TRIM24: variants seen among roughly 807,000 people sequenced by gnomAD.
The protein encoded by TRIM24 is tripartite motif containing 24.
TRIM24 carries 29 observed loss-of-function variants against 123.9 expected under a neutral mutation model. That is an observed-to-expected ratio of 0.23 (90% confidence interval 0.17 to 0.32). TRIM24 has a LOEUF of 0.32. Ranked by LOEUF, TRIM24 falls within the 10% of genes least tolerant of loss-of-function variation. TRIM24 has a pLI of 1.00. For synonymous variants in TRIM24, 456 were observed against 461.1 expected (o/e 0.99, Z 0.14); for missense variants, 932 against 1,295.3 (o/e 0.72, Z 4.31).
intron 9 of TRIM24, among the ~76,000 whole-genome samples, chr7:138,563,016 C>T (rs1347312647): frequency 2.0e-5 from 3 of 152,188 alleles, no homozygotes; most frequent in African/African-American, 7.2e-5. Flanking sequence ...AAAGTGGCCT[C>T]TTCTCTGAGA....
chr7:138,585,595 ATTTTTGT>A lies in TRIM24; in HGVS notation c.*649_*655del, dbSNP rs1275688436. The A allele has an allele frequency of 2.9e-4, 93 of 320,696 alleles. No homozygotes were observed. The Middle Eastern group carries it at 7.1e-3, about 24-fold the overall frequency. 19.9% of individuals were successfully genotyped at this position (320,696 alleles called of 1,614,324 possible). On this transcript the variant is annotated 3_prime_UTR_variant, in exon 19 of 19. Transcript: ENST00000343526. ...GAAAAATCCGGAAAACAAATGTTTG[ATTTTTGT>A]TTTTGTTTTTATCTTGTCTGTAGAG...
intron 11 of TRIM24, among the ~76,000 whole-genome samples, chr7:138,571,791 G>A (rs987720872): frequency 2.0e-5 from 3 of 152,110 alleles, no homozygotes; most frequent in African/African-American, 7.2e-5. Flanking sequence ...GGCTGGTCTT[G>A]AACTCCTGGG....
intron 1 of TRIM24, chr7:138,490,711 T>G (rs1012352339): frequency 2.2e-6 from 1 of 459,316 alleles, no homozygotes; most frequent in South Asian, 1.7e-5. Context: ...AACCTGGGCT[T>G]CTTCAGCATT....
chr7:138,502,852 T>C (rs1336364999), intron 1 of TRIM24, among the ~76,000 whole-genome samples: 1 of 152,236 alleles, frequency 6.6e-6, no homozygotes, highest in African/African-American at 2.4e-5. Context: ...GCTGTAGTTC[T>C]GTAACAAAGG....
chr7:138,583,785 T>C, intron 17 of TRIM24, 65 bp from the exon 18 acceptor site: 1 of 1,142,886 alleles, frequency 8.7e-7, no homozygotes, highest in Non-Finnish European at 1.2e-6. Flanking sequence ...GCACATCTCA[T>C]AGAATATATT....
intron 5 of TRIM24, among the ~76,000 whole-genome samples, chr7:138,527,583 C>T (rs1398044545): frequency 6.6e-6 from 1 of 152,092 alleles, no homozygotes; most frequent in Non-Finnish European, 1.5e-5. Flanking sequence ...TGATGTCAAA[C>T]AATTATCTGG....
intron 7 of TRIM24, among the ~76,000 whole-genome samples, chr7:138,539,353 T>C: frequency 6.6e-6 from 1 of 152,146 alleles, no homozygotes. Flanking sequence ...GAAAAATAGC[T>C]CTGTGATTTG....
At chr7:138,511,285 C>T (rs1270487321) in intron 2 of TRIM24, among the ~76,000 whole-genome samples, 1 of 151,374 alleles carries the variant, frequency 6.6e-6, no homozygotes, top group African/African-American at 2.4e-5. Flanking sequence ...GGAGGTGCCA[C>T]ACACTTTTTT....
At chr7:138,524,000 T>G (rs1201261836) in intron 4 of TRIM24, among the ~76,000 whole-genome samples, 1 of 152,146 alleles carries the variant, frequency 6.6e-6, no homozygotes, top group Non-Finnish European at 1.5e-5. Context: ...TCTCGTAGTA[T>G]TGTCATTTTG....
At chr7:138,580,956 C>T (rs542894147) in intron 16 of TRIM24, among the ~76,000 whole-genome samples, 9 of 152,072 alleles carry the variant, frequency 5.9e-5, no homozygotes, top group Non-Finnish European at 1.2e-4. Flanking sequence ...TTTAATCTAC[C>T]TTAAGTAAAT....
rs2116635990 is a variant in TRIM24 at position 138,554,633 on chromosome 7, A to C, written c.1262-65A>C. On this transcript the variant is annotated intron_variant, in intron 8 of 18. Coordinates refer to ENST00000343526, the MANE Select transcript of TRIM24 (RefSeq NM_015905.3). The surrounding 1 kb of genome is among the most constrained non-coding windows in gnomAD (Gnocchi z 4.5). Reference sequence around the variant, plus strand: ...TTTGAAGTTCTGCAAAAATAGCTTTAGAAAATGTGATATTTCACCAACTAT... The same window carrying C: ...TTTGAAGTTCTGCAAAAATAGCTTTCGAAAATGTGATATTTCACCAACTAT... The C allele has an allele frequency of 1.3e-6, 2 of 1,540,698 alleles. No homozygotes were observed. Among genetic ancestry groups the C allele is most frequent in the Admixed American group, 1.9e-5 (1 of 52,352 alleles).
intron 5 of TRIM24, among the ~76,000 whole-genome samples, chr7:138,527,117 A>G (rs944631154): frequency 2.0e-5 from 3 of 152,086 alleles, no homozygotes; most frequent in African/African-American, 4.8e-5. Context: ...ATTGTTTTTC[A>G]GCACCTTTAT....
intron 9 of TRIM24, among the ~76,000 whole-genome samples, chr7:138,564,316 G>C (rs75924329): frequency 0.045 from 6,889 of 152,184 alleles, 208 homozygotes; most frequent in Middle Eastern, 0.1. Context: ...TTTCTTCCCT[G>C]ACCTCCTGGG....
intron 3 of TRIM24, among the ~76,000 whole-genome samples, chr7:138,515,883 T>C (rs1796383442): frequency 6.6e-6 from 1 of 152,258 alleles, no homozygotes; most frequent in African/African-American, 2.4e-5. Context: ...AAATTTGTCA[T>C]TTTAACTACT....
chr7:138,576,495 TTTC>T (rs752864406), intron 13 of TRIM24, 50 bp downstream of exon 13: 3 of 1,542,062 alleles, frequency 1.9e-6, no homozygotes, highest in African/African-American at 2.7e-5. Flanking sequence ...TCTAATTAGA[TTTC>T]TTTTGCCAGT....
intron 1 of TRIM24, among the ~76,000 whole-genome samples, chr7:138,483,208 TC>T (rs1795568858): frequency 6.6e-6 from 1 of 152,220 alleles, no homozygotes; most frequent in Non-Finnish European, 1.5e-5. Context: ...AGTGCTGGGA[TC>T]CTAGGCATTA....
chr7:138,508,682 TGTGTGTGTGTGCGCGC>T (rs1249698541), intron 2 of TRIM24, among the ~76,000 whole-genome samples: 13 of 47,108 alleles, frequency 2.8e-4, no homozygotes, highest in Admixed American at 4.7e-4. Flanking sequence ...TGTGTGTGTG[TGTGTGTGTGTGCGCGC>T]GCGTGTGTGC....
At chr7:138,487,383 G>C (rs1584693787) in intron 1 of TRIM24, among the ~76,000 whole-genome samples, 1 of 152,312 alleles carries the variant, frequency 6.6e-6, no homozygotes, top group African/African-American at 2.4e-5. Context: ...ATGTTGAACA[G>C]GAGTGGTGAG....
chr7:138,464,958 T>A (rs1312531084), intron 1 of TRIM24, among the ~76,000 whole-genome samples: 3 of 152,224 alleles, frequency 2.0e-5, no homozygotes, highest in Non-Finnish European at 4.4e-5. Flanking sequence ...CAGATCTAGT[T>A]TCCCTTTCTA....
Sources: gnomAD v4.1 joint callset for allele counts (sites outside exome capture counted in the v4.1 genomes callset) on GRCh38, gnomAD v4.1.1 for gene constraint, Gnocchi (gnomAD v3.1) non-coding constraint, MANE v1.5 for transcripts, NCBI Gene and HGNC (gene_info 2026-07-23, HGNC 2026-07-21) for gene names.